Variants in ZNF536 observed in about 807,000 individuals in gnomAD.
The protein encoded by ZNF536 is zinc finger protein 536.
Under a neutral mutation model 84.5 loss-of-function variants are expected in ZNF536, and 13 were observed. That is an observed-to-expected ratio of 0.15 (90% CI 0.10 to 0.24). The LOEUF is 0.24. ZNF536 is among the 10% of genes least tolerant of loss of function. The pLI is 1.00. For missense variants in ZNF536, 1,536 were observed against 1,747.5 expected, an observed-to-expected ratio of 0.88 and a Z score of 2.16; for synonymous variants, 811 against 742.5, an observed-to-expected ratio of 1.09 and a Z score of -1.50.
intron 1 of ZNF536, among the ~76,000 whole-genome samples, chr19:30,631,413 G>A (rs910018323): frequency 3.3e-5 from 5 of 152,288 alleles, no homozygotes; most frequent in South Asian, 4.1e-4. Flanking sequence ...CTCCAGACCC[G>A]GCTGTCCCCT....
chr19:30,508,820 C>CTTTTTTTTTTTTTTTT (rs914349353), intron 2 of ZNF536, among the ~76,000 whole-genome samples: 9 of 68,792 alleles, frequency 1.3e-4, no homozygotes, highest in Non-Finnish European at 1.9e-4. Flanking sequence ...TTCTTTCTTT[C>CTTTTTTTTTTTTTTTT]TTTTTTTTTT....
chr19:30,537,478 C>T (rs970610313), intron 3 of ZNF536, among the ~76,000 whole-genome samples: 143 of 152,320 alleles, frequency 9.4e-4, no homozygotes, highest in African/African-American at 3.4e-3. Flanking sequence ...GGTGGTAACT[C>T]TCCATGGGTA....
chr19:30,250,990 G>C (rs934451924), intron 1 of ZNF536, among the ~76,000 whole-genome samples: 3 of 151,880 alleles, frequency 2.0e-5, no homozygotes, highest in Non-Finnish European at 4.4e-5. Flanking sequence ...TGTTACACGG[G>C]GTTTAGGTTT....
At chr19:30,297,905 C>A (rs868534177) in intron 2 of ZNF536, among the ~76,000 whole-genome samples, 10 of 84,894 alleles carry the variant, frequency 1.2e-4, no homozygotes, top group Middle Eastern at 6.4e-3. Context: ...AGACGGAGTC[C>A]CCCCCCCCTC....
chr19:30,689,843 G>T (rs6510175), intron 1 of ZNF536, among the ~76,000 whole-genome samples: 31,745 of 152,182 alleles, frequency 0.21, 3,433 homozygotes, highest in African/African-American at 0.25. Flanking sequence ...CAGGTACACA[G>T]GCTTGTTCCT....
intron 1 of ZNF536, among the ~76,000 whole-genome samples, chr19:30,374,668 A>G (rs1018205649): frequency 9.9e-5 from 14 of 141,230 alleles, no homozygotes; most frequent in African/African-American, 1.1e-4. Context: ...AAACCCAAGG[A>G]AAACACAACA....
chr19:30,435,654 C>G (rs192849111), intron 1 of ZNF536, among the ~76,000 whole-genome samples: 1 of 152,058 alleles, frequency 6.6e-6, no homozygotes, highest in Non-Finnish European at 1.5e-5. Context: ...AATGAGAGGA[C>G]AGTCCATAGT....
chr19:30,494,354 C>A (rs945584903), intron 2 of ZNF536, among the ~76,000 whole-genome samples: 2 of 152,230 alleles, frequency 1.3e-5, no homozygotes, highest in African/African-American at 2.4e-5. Flanking sequence ...GGGCTCCTTG[C>A]AAAGTTGCAG....
At chr19:30,566,093 G>A (rs2046336398) in intron 1 of ZNF536, among the ~76,000 whole-genome samples, 1 of 152,222 alleles carries the variant, frequency 6.6e-6, no homozygotes, top group Non-Finnish European at 1.5e-5. Context: ...GTCACTTTCA[G>A]GGCAACTATG....
At chr19:30,609,147 C>A (rs139590533) in intron 1 of ZNF536, among the ~76,000 whole-genome samples, 2 of 152,172 alleles carry the variant, frequency 1.3e-5, no homozygotes, top group Non-Finnish European at 2.9e-5. Flanking sequence ...TAGTGCAATC[C>A]CTTGCCCCAT....
chr19:30,241,885 C>T (rs973761498), intron 1 of ZNF536, among the ~76,000 whole-genome samples: 1 of 152,138 alleles, frequency 6.6e-6, no homozygotes, highest in Non-Finnish European at 1.5e-5. Context: ...GTGGTGTCCT[C>T]TGGGAGGACT....
intron 2 of ZNF536, among the ~76,000 whole-genome samples, chr19:30,519,973 G>T (rs555154983): frequency 1.1e-4 from 17 of 152,342 alleles, no homozygotes; most frequent in African/African-American, 4.1e-4. Flanking sequence ...ACCTGACTTA[G>T]TCTGGAAGAT....
At chr19:30,676,268 A>G (rs2050750925) in intron 1 of ZNF536, among the ~76,000 whole-genome samples, 1 of 152,196 alleles carries the variant, frequency 6.6e-6, no homozygotes, top group Non-Finnish European at 1.5e-5. Flanking sequence ...CCTTGCCTCT[A>G]CTGTGAGCAA....
At chr19:30,335,922 C>G (rs917365141) in intron 2 of ZNF536, among the ~76,000 whole-genome samples, 31 of 152,048 alleles carry the variant, frequency 2.0e-4, no homozygotes, top group Non-Finnish European at 3.8e-4. Flanking sequence ...ATGACCATCC[C>G]CACTGAATGG....
At chr19:30,526,329 G>A (rs560250715) in intron 2 of ZNF536, among the ~76,000 whole-genome samples, 4 of 152,342 alleles carry the variant, frequency 2.6e-5, no homozygotes, top group South Asian at 4.1e-4. Context: ...GCGGATGACA[G>A]GGGATGTTGT....
chr19:30,593,693 C>G (rs1272480679), intron 1 of ZNF536, among the ~76,000 whole-genome samples: 1 of 152,194 alleles, frequency 6.6e-6, no homozygotes, highest in Non-Finnish European at 1.5e-5. Context: ...CCCTCACCCA[C>G]CCCCTTGGAA....
intron 3 of ZNF536, among the ~76,000 whole-genome samples, chr19:30,360,451 T>G (rs770074558): frequency 2.6e-5 from 4 of 152,256 alleles, no homozygotes; most frequent in Non-Finnish European, 5.9e-5. Context: ...CTTGTCTGCA[T>G]ATAAAATTGT....
At chr19:30,394,827 A>G (rs976782637) in intron 1 of ZNF536, among the ~76,000 whole-genome samples, 4 of 152,166 alleles carry the variant, frequency 2.6e-5, no homozygotes, top group African/African-American at 9.7e-5. Context: ...AGGTGACACC[A>G]TGGAGGCCTT....
At chr19:30,398,816 T>C (rs916371031) in intron 1 of ZNF536, among the ~76,000 whole-genome samples, 6 of 152,206 alleles carry the variant, frequency 3.9e-5, no homozygotes, top group East Asian at 3.9e-4. Flanking sequence ...CAGTCTATCA[T>C]TGATGGGCAT....
Sources: allele counts gnomAD v4.1 joint callset (sites outside exome capture counted in the v4.1 genomes callset), GRCh38; gene constraint gnomAD v4.1.1; transcripts MANE v1.5; gene names NCBI Gene and HGNC (gene_info 2026-07-23, HGNC 2026-07-21).